CNKSR2: variants seen among roughly 807,000 people sequenced by gnomAD.
The protein encoded by CNKSR2 is CNK homolog protein 2.
In CNKSR2, 14 loss-of-function variants were observed where a neutral mutation model predicts 84.4. The observed-to-expected ratio is 0.17, with a 90% CI of 0.11 to 0.26. CNKSR2 has a LOEUF of 0.26. CNKSR2 is among the 10% of genes least tolerant of loss of function. The pLI is 1.00. For synonymous variants in CNKSR2, 275 were observed against 277.9 expected, an observed-to-expected ratio of 0.99 and a Z score of 0.10; for missense variants, 485 against 771.2, an observed-to-expected ratio of 0.63 and a Z score of 4.40.
At chrX:21,454,850 T>C (rs956595003) in intron 4 of CNKSR2, among the ~76,000 whole-genome samples, 2 of 112,129 alleles carry the variant, frequency 1.8e-5, no homozygotes, top group African/African-American at 6.5e-5. Context: ...GGGAGGCAGA[T>C]ATTTTTGTCT....
In CNKSR2 at chrX:21,506,891, A is replaced by G. The variant is rs1360246991; in HGVS notation, c.810+5303A>G. ...AGTTTATTTCATGTGTTTAAAATGT[A>G]TCTATTGGCTGAAGTTCTTACCTAC... On this transcript the variant is annotated intron_variant, in intron 8 of 21. Coordinates refer to ENST00000379510, the MANE Select transcript of CNKSR2 (RefSeq NM_014927.5). 4.5e-5 allele frequency: 5 copies of G among 110,494 alleles called. No individual in the cohort carries two copies. The East Asian group carries it at 1.4e-3, about 31-fold the overall frequency. 9.1% of individuals were successfully genotyped at this position (110,494 alleles called of 1,213,427 possible).
rs765857464 is a variant in CNKSR2, at chrX:21,653,740, G to C, written c.*1219G>C. 9.0e-6 allele frequency: 1 copy of C among 110,758 alleles called. No individual in the cohort carries two copies. The highest frequency in any genetic ancestry group is 3.8e-4 in the South Asian group (1 of 2,623). The allele number at this position is 110,758 out of a possible 1,213,427, so 9.1% of individuals were successfully genotyped here. On this transcript the variant is annotated 3_prime_UTR_variant, in exon 22 of 22. Transcript: ENST00000379510. ...TCTTCATATATTTCCATTTATAAGC[G>C]TCTTGTTTTTGAAAGTGATCACAGC...
intron 20 of CNKSR2, among the ~76,000 whole-genome samples, chrX:21,647,189 A>G (rs970402791): frequency 1.8e-5 from 2 of 112,368 alleles, no homozygotes; most frequent in African/African-American, 6.5e-5. Context: ...ATGGTTAAGA[A>G]GTTAAAATTT....
intron 20 of CNKSR2, among the ~76,000 whole-genome samples, chrX:21,636,293 T>C (rs2092672103): frequency 9.0e-6 from 1 of 110,617 alleles, no homozygotes; most frequent in Non-Finnish European, 1.9e-5. Context: ...CCACATAAAT[T>C]TAAAACCTGC....
chrX:21,570,291 A>G (rs1434040128), intron 13 of CNKSR2, among the ~76,000 whole-genome samples: 1 of 112,774 alleles, frequency 8.9e-6, no homozygotes, highest in Non-Finnish European at 1.9e-5. Context: ...CTTCTCCATC[A>G]GCACTTGTTA....
intron 8 of CNKSR2, among the ~76,000 whole-genome samples, chrX:21,502,896 C>T (rs2091573851): frequency 9.0e-6 from 1 of 111,020 alleles, no homozygotes; most frequent in African/African-American, 3.3e-5. Flanking sequence ...TTTCCTGTCC[C>T]ATAGGATGAG....
intron 4 of CNKSR2, among the ~76,000 whole-genome samples, chrX:21,447,106 C>G (rs1222881560): frequency 9.0e-6 from 1 of 111,333 alleles, no homozygotes; most frequent in Non-Finnish European, 1.9e-5. Context: ...AATGCTGTCA[C>G]TCTGTTTCTT....
intron 8 of CNKSR2, among the ~76,000 whole-genome samples, chrX:21,515,856 G>A (rs2091723211): frequency 8.9e-6 from 1 of 111,934 alleles, no homozygotes; most frequent in South Asian, 3.7e-4. Flanking sequence ...TTATAGGGTT[G>A]TTTGGAACAC....
At chrX:21,622,353 A>G (rs1237264953) in intron 20 of CNKSR2, among the ~76,000 whole-genome samples, 1 of 110,943 alleles carries the variant, frequency 9.0e-6, no homozygotes, top group Non-Finnish European at 1.9e-5. Context: ...TCTATATTTT[A>G]TAGAAATCCT....
intron 11 of CNKSR2, among the ~76,000 whole-genome samples, chrX:21,537,032 A>G (rs1246859698): frequency 9.1e-6 from 1 of 109,485 alleles, no homozygotes; most frequent in Non-Finnish European, 1.9e-5. Flanking sequence ...CTTTCTTAGT[A>G]TTGCTTTTGC....
At chrX:21,538,576 A>G (rs1288001850) in intron 11 of CNKSR2, 1 of 111,846 alleles carries the variant, frequency 8.9e-6, no homozygotes, top group Non-Finnish European at 1.9e-5. Context: ...ATATGTATAT[A>G]TGAAAGGGAG....
At chrX:21,427,268 A>G (rs1277086001) in intron 2 of CNKSR2, 1 of 111,490 alleles carries the variant, frequency 9.0e-6, no homozygotes, top group Non-Finnish European at 1.9e-5. Context: ...ATAAATTTAA[A>G]CACCATTTTT....
intron 5 of CNKSR2, among the ~76,000 whole-genome samples, chrX:21,475,371 G>A (rs2091249866): frequency 8.9e-6 from 1 of 111,988 alleles, no homozygotes; most frequent in Non-Finnish European, 1.9e-5. Flanking sequence ...TTTAACAAAT[G>A]AGTAAGAGTT....
chrX:21,512,821 G>A lies in CNKSR2; in HGVS notation c.811-3664G>A, dbSNP rs767063959. On this transcript the variant is annotated intron_variant, in intron 8 of 21. Coordinates refer to ENST00000379510, the MANE Select transcript of CNKSR2 (RefSeq NM_014927.5). ...AGAGATAATGAGTTTGATTTTTAAAGTCTTGTATTCATGTAAGCTACCAGT... is the reference window on the plus strand; with the variant it reads ...AGAGATAATGAGTTTGATTTTTAAAATCTTGTATTCATGTAAGCTACCAGT... Among the ~76,000 whole-genome samples the A allele has an allele frequency of 2.7e-5, 3 of 111,536 alleles. No individual in the cohort carries two copies. The South Asian group carries it at 1.1e-3, about 42-fold the overall frequency.
At chrX:21,496,345 C>T (rs2091499582) in intron 6 of CNKSR2, among the ~76,000 whole-genome samples, 1 of 111,621 alleles carries the variant, frequency 9.0e-6, no homozygotes, top group South Asian at 3.8e-4. Flanking sequence ...TAAATGTTAG[C>T]TTCAAATTAA....
At chrX:21,415,165 T>C (rs2090399461) in intron 1 of CNKSR2, among the ~76,000 whole-genome samples, 1 of 111,801 alleles carries the variant, frequency 8.9e-6, no homozygotes, top group East Asian at 2.8e-4. Flanking sequence ...TTAAAAAATA[T>C]TCATTCTTCC....
At chrX:21,472,525 G>A (rs189414822) in intron 5 of CNKSR2, among the ~76,000 whole-genome samples, 1 of 111,708 alleles carries the variant, frequency 9.0e-6, no homozygotes, top group East Asian at 2.8e-4. Flanking sequence ...TTTGTATTTA[G>A]CTTCATTCTT....
At chrX:21,499,281 A>C (rs1401703459) in intron 7 of CNKSR2, among the ~76,000 whole-genome samples, 2 of 111,743 alleles carry the variant, frequency 1.8e-5, no homozygotes, top group African/African-American at 6.5e-5. Context: ...GCATGGTGCT[A>C]GGTATTGGAA....
intron 13 of CNKSR2, among the ~76,000 whole-genome samples, chrX:21,569,451 G>A (rs1477307393): frequency 8.9e-6 from 1 of 111,861 alleles, no homozygotes; most frequent in Non-Finnish European, 1.9e-5. Context: ...TTGGGGTCAG[G>A]CTCTACTTCC....
Sources: allele counts gnomAD v4.1 joint callset (sites outside exome capture counted in the v4.1 genomes callset), GRCh38; gene constraint gnomAD v4.1.1; transcripts MANE v1.5; gene names NCBI Gene and HGNC (gene_info 2026-07-23, HGNC 2026-07-21).